Variants in ARL15 observed in about 807,000 individuals in gnomAD.
ARL15 encodes ARF like GTPase 15, also known as ADP-ribosylation factor-like protein 15.
Under a neutral mutation model 25.2 loss-of-function variants are expected in ARL15, and 19 were observed. That is an observed-to-expected ratio of 0.75 (90% CI 0.53 to 1.10). The LOEUF (loss-of-function observed/expected upper bound fraction) is 1.10. ARL15 is among the 50% of genes least tolerant of loss of function. The probability of loss-of-function intolerance (pLI) is 0.00; values close to 1 mark genes in which losing one functional copy is unlikely to be tolerated. For missense variants in ARL15, 220 were observed against 246.0 expected (o/e 0.89, Z 0.71); for synonymous variants, 94 against 86.8 (o/e 1.08, Z -0.46).
chr5:54,221,558 TAC>T (rs138224663), intron 1 of ARL15, among the ~76,000 whole-genome samples: 6 of 151,810 alleles, frequency 4.0e-5, no homozygotes, highest in African/African-American at 1.5e-4. Context: ...GGGGTGTGTA[TAC>T]ACACACACAC....
At chr5:54,193,923 TG>T (rs1197187257) in intron 1 of ARL15, among the ~76,000 whole-genome samples, 2 of 151,992 alleles carry the variant, frequency 1.3e-5, no homozygotes, top group Non-Finnish European at 2.9e-5. Flanking sequence ...ACTGAATAAT[TG>T]GGGGCTAGGA....
chr5:54,011,941 C>T (rs1749254417), intron 4 of ARL15, among the ~76,000 whole-genome samples: 1 of 151,688 alleles, frequency 6.6e-6, no homozygotes, highest in South Asian at 2.1e-4. Context: ...ACCAGGAGGC[C>T]AAGGTTGCAG....
intron 4 of ARL15, among the ~76,000 whole-genome samples, chr5:54,023,020 A>C (rs1334547547): frequency 1.3e-5 from 2 of 152,228 alleles, no homozygotes; most frequent in African/African-American, 4.8e-5. Flanking sequence ...TAAAAACTCA[A>C]TGGATAGGCT....
intron 4 of ARL15, among the ~76,000 whole-genome samples, chr5:54,081,786 G>C (rs1467992526): frequency 6.6e-6 from 1 of 152,038 alleles, no homozygotes; most frequent in Non-Finnish European, 1.5e-5. Context: ...GTCTTAGGCA[G>C]TTCTTTATAG....
intron 4 of ARL15, among the ~76,000 whole-genome samples, chr5:53,956,270 A>T (rs1483169162): frequency 6.6e-6 from 1 of 151,960 alleles, no homozygotes; most frequent in East Asian, 1.9e-4. Flanking sequence ...TAGTTTAGAA[A>T]TGTCACTAAA....
intron 4 of ARL15, among the ~76,000 whole-genome samples, chr5:53,903,270 C>T (rs1453431271): frequency 6.6e-6 from 1 of 152,072 alleles, no homozygotes; most frequent in Non-Finnish European, 1.5e-5. Context: ...GGCCTTGGGT[C>T]GTAATTGTCA....
chr5:54,133,336 G>A (rs1423347335), intron 3 of ARL15, among the ~76,000 whole-genome samples: 2 of 152,074 alleles, frequency 1.3e-5, no homozygotes, highest in Admixed American at 6.6e-5. Flanking sequence ...CACACAAGTC[G>A]GATTCAGTTA....
At chr5:54,140,940 A>G (rs1024542849) in intron 3 of ARL15, among the ~76,000 whole-genome samples, 1 of 152,194 alleles carries the variant, frequency 6.6e-6, no homozygotes, top group Admixed American at 6.5e-5. Context: ...CCTTAATGTC[A>G]TTACCGTTTT....
chr5:54,180,559 G>GA (rs1170672227), intron 1 of ARL15, among the ~76,000 whole-genome samples: 6 of 152,182 alleles, frequency 3.9e-5, no homozygotes, highest in Admixed American at 6.5e-5. Context: ...ACCCTAGTGG[G>GA]AAAAAAACAA....
intron 4 of ARL15, among the ~76,000 whole-genome samples, chr5:53,946,845 T>A (rs1472775216): frequency 5.3e-5 from 8 of 152,120 alleles, no homozygotes; most frequent in Admixed American, 3.3e-4. Context: ...AAATCAGAAC[T>A]CACCATTTTG....
Position 53,977,273 on chromosome 5 carries a change from G to A in ARL15, c.463-90560C>T, listed in dbSNP as rs1448521017. Among the ~76,000 whole-genome samples the A allele has an allele frequency of 4.0e-5, 6 of 150,596 alleles. No individual in the cohort carries two copies. In the East Asian group the frequency reaches 1.2e-3, roughly 30 times the overall value. ...TCGGAGGCTGAGGCAGGAGAATGGC[G>A]TGAACCCGGGAGGCGGAGCTTGCGT... On this transcript the variant is annotated intron_variant, in intron 4 of 4. Transcript: ENST00000504924.
In ARL15 at chr5:54,058,695, C is replaced by A. The variant is rs143532684; in HGVS notation, c.462+54507G>T. ...GACAGTGTGGCTGGAGCTGAGGGAG[C>A]AACAGGGAGAGAGCTGGGAGATGAA... On this transcript the variant is annotated intron_variant, in intron 4 of 4. Coordinates refer to ENST00000504924, the MANE Select transcript of ARL15 (RefSeq NM_019087.3). Among the ~76,000 whole-genome samples, 59 of 152,192 alleles carry A rather than the reference C, an allele frequency of 3.9e-4. No homozygotes were observed. The East Asian group carries it at 0.01, about 27-fold the overall frequency.
At chr5:54,283,643 T>C (rs192711889) in intron 1 of ARL15, among the ~76,000 whole-genome samples, 2 of 152,338 alleles carry the variant, frequency 1.3e-5, no homozygotes, top group African/African-American at 4.8e-5. Flanking sequence ...TTGTCCAAGA[T>C]CATTCTTCCC....
chr5:54,102,459 C>T (rs1322096324), intron 4 of ARL15, among the ~76,000 whole-genome samples: 2 of 152,062 alleles, frequency 1.3e-5, no homozygotes, highest in Non-Finnish European at 2.9e-5. Flanking sequence ...GATTTGCTTT[C>T]CCATAATAAT....
intron 1 of ARL15, among the ~76,000 whole-genome samples, chr5:54,232,574 A>G (rs1002124011): frequency 2.0e-5 from 3 of 152,206 alleles, no homozygotes; most frequent in African/African-American, 7.2e-5. Flanking sequence ...GGGTAAAAAT[A>G]GAACCAACAG....
intron 1 of ARL15, among the ~76,000 whole-genome samples, chr5:54,228,493 C>G (rs1236126050): frequency 2.0e-5 from 3 of 146,906 alleles, no homozygotes; most frequent in Admixed American, 2.0e-4. Context: ...CTGACCCCCC[C>G]ACCCCCACCC....
At chr5:54,132,528 T>C (rs548246853) in intron 3 of ARL15, among the ~76,000 whole-genome samples, 1 of 152,300 alleles carries the variant, frequency 6.6e-6, no homozygotes, top group Admixed American at 6.5e-5. Flanking sequence ...ATAAAGAATT[T>C]TAATTTGTTA....
chr5:54,034,761 C>T (rs529085032), intron 4 of ARL15, among the ~76,000 whole-genome samples: 1 of 152,086 alleles, frequency 6.6e-6, no homozygotes, highest in African/African-American at 2.4e-5. Context: ...TGGGCTCAAG[C>T]AATCTTCGCA....
intron 4 of ARL15, among the ~76,000 whole-genome samples, chr5:53,985,722 T>G (rs1748275902): frequency 6.6e-6 from 1 of 152,224 alleles, no homozygotes; most frequent in African/African-American, 2.4e-5. Context: ...CGCTGATGGA[T>G]ACTTGGGTTG....
Sources: allele counts gnomAD v4.1 joint callset (sites outside exome capture counted in the v4.1 genomes callset), GRCh38; gene constraint gnomAD v4.1.1; transcripts MANE v1.5; gene names NCBI Gene and HGNC (gene_info 2026-07-23, HGNC 2026-07-21).